Variants in NCOR1 observed in about 807,000 individuals in gnomAD.
The protein encoded by NCOR1 is protein phosphatase 1, regulatory subunit 109.
In NCOR1, 63 loss-of-function variants were observed where a neutral mutation model predicts 288.1. The observed-to-expected ratio is 0.22, with a 90% CI of 0.18 to 0.27. NCOR1 has a LOEUF of 0.27. Ranked by LOEUF, NCOR1 falls within the 10% of genes least tolerant of loss-of-function variation. The pLI is 1.00. For synonymous variants in NCOR1, 1,007 were observed against 1,065.9 expected, an observed-to-expected ratio of 0.94 and a Z score of 1.08; for missense variants, 2,397 against 3,019.2, an observed-to-expected ratio of 0.79 and a Z score of 4.83.
intron 1 of NCOR1, 24 bp downstream of exon 1, chr17:16,215,338 T>C: frequency 2.6e-6 from 1 of 391,406 alleles, no homozygotes; most frequent in South Asian, 1.4e-4. Flanking sequence ...GAGGCCGGGG[T>C]TGCAGGCGCC....
At chr17:16,080,871 G>T in intron 23 of NCOR1, 144 bp from the exon 24 acceptor site, 1 of 814,634 alleles carries the variant, frequency 1.2e-6, no homozygotes. Context: ...AATAGTTTTT[G>T]TAAAGCAAGA....
rs1378012526 is a variant in NCOR1, at chr17:16,034,817, A to G, written c.7083T>C (p.Asp2361=). ...CCCACCCTGGCGTCTGCCTATGGTA[A>G]TCCCCTTCTGAATGTACAGAGGAGA... The part of the protein sequence containing the change: ...SSVSSVHSEG[D]YHRQTPGWAW... Residue 2361 remains aspartate (D), a synonymous_variant, in exon 45 of 46, where the codon GAT becomes GAC. Coordinates refer to ENST00000268712, the MANE Select transcript of NCOR1 (RefSeq NM_006311.4). 6.2e-7 allele frequency: 1 copy of G among 1,614,062 alleles called. No homozygotes were observed. The highest frequency in any genetic ancestry group is 8.5e-7 in the Non-Finnish European group (1 of 1,180,008).
chr17:16,205,608 C>A (rs866318081), intron 1 of NCOR1, among the ~76,000 whole-genome samples: 1 of 140,688 alleles, frequency 7.1e-6, no homozygotes, highest in Non-Finnish European at 1.5e-5. Context: ...GCAACAAGAG[C>A]GAGGCTCTGT....
At chr17:16,184,298 T>C (rs192580861) in intron 3 of NCOR1, among the ~76,000 whole-genome samples, 11 of 152,312 alleles carry the variant, frequency 7.2e-5, no homozygotes, top group East Asian at 3.9e-4. Context: ...AGAAAACATA[T>C]TTGTAAACTA....
At chr17:16,135,969 T>C (rs1383407620) in intron 14 of NCOR1, among the ~76,000 whole-genome samples, 2 of 152,130 alleles carry the variant, frequency 1.3e-5, no homozygotes, top group Non-Finnish European at 2.9e-5. Context: ...TGCATGCAAG[T>C]CCTTATTGTA....
intron 1 of NCOR1, among the ~76,000 whole-genome samples, chr17:16,211,296 A>G (rs909402215): frequency 2.0e-5 from 3 of 151,544 alleles, no homozygotes; most frequent in Admixed American, 2.0e-4. Flanking sequence ...TTGCTCTGTC[A>G]CCCAGTCTGA....
At chr17:16,041,740 A>T (rs182006610) in intron 42 of NCOR1, among the ~76,000 whole-genome samples, 3,008 of 148,936 alleles carry the variant, frequency 0.02, 102 homozygotes, top group African/African-American at 0.07. Context: ...TTAATTTATT[A>T]ATTAATTTAT....
intron 5 of NCOR1, among the ~76,000 whole-genome samples, chr17:16,159,762 C>T (rs1456727698): frequency 6.6e-6 from 1 of 151,868 alleles, no homozygotes; most frequent in Non-Finnish European, 1.5e-5. Flanking sequence ...AACTGTATTA[C>T]CGTGCCTGGG....
rs34511605 is a variant in NCOR1 at position 16,149,292 on chromosome 17, C to CATATATATATATAT, written c.909+145_909+158dup. Among the ~76,000 whole-genome samples the CATATATATATATAT allele has an allele frequency of 5.5e-3, 765 of 137,902 alleles. 6 individuals carry two copies. Among genetic ancestry groups the CATATATATATATAT allele is most frequent in the African/African-American group, 0.019 (713 of 37,130 alleles). The allele number at this position is 137,902 out of a possible 152,430, so 90.5% of individuals were successfully genotyped here. ...AATGTTACTAGAATTAGATTTAAGT[C>CATATATATATATAT]ATATATATATATATATATATATATG... On this transcript the variant is annotated intron_variant, in intron 9 of 45. Transcript: ENST00000268712.
chr17:16,039,482 C>T lies in NCOR1; in HGVS notation c.6906G>A (p.Val2302=), dbSNP rs2057141206. 6.2e-7 allele frequency: 1 copy of T among 1,614,072 alleles called. No homozygotes were observed. Among genetic ancestry groups the T allele is most frequent in the Non-Finnish European group, 8.5e-7 (1 of 1,180,020 alleles). The change falls in exon 44 of 46, where the codon GTG becomes GTA. Residue 2302 remains valine (V), a synonymous_variant. Coordinates refer to ENST00000268712, the MANE Select transcript of NCOR1 (RefSeq NM_006311.4). ...CCTCTCTTCGTGTCTCACCACTGGT[C>T]ACAACTGAGGTGTTGGCAGTACCAG... The part of the protein sequence containing the change: ...VVPGTANTSV[V]TSGETRREEG...
intron 9 of NCOR1, among the ~76,000 whole-genome samples, chr17:16,148,381 C>T (rs535765128): frequency 1.2e-4 from 19 of 152,240 alleles, no homozygotes; most frequent in African/African-American, 3.4e-4. Context: ...TCCATGACCA[C>T]GGTGTGATCC....
chr17:16,214,996 G>A (rs763754022), intron 1 of NCOR1, among the ~76,000 whole-genome samples: 3 of 152,208 alleles, frequency 2.0e-5, no homozygotes, highest in Non-Finnish European at 1.5e-5. Flanking sequence ...GCCCAGGCCC[G>A]CCACCTGCGC....
chr17:16,134,565 A>G (rs1286260406), intron 14 of NCOR1, among the ~76,000 whole-genome samples: 2 of 152,214 alleles, frequency 1.3e-5, no homozygotes, highest in African/African-American at 4.8e-5. Context: ...ACATGGCTGG[A>G]TCTTAACAAG....
At chr17:16,186,005 G>T (rs2086606316) in intron 3 of NCOR1, among the ~76,000 whole-genome samples, 1 of 152,058 alleles carries the variant, frequency 6.6e-6, no homozygotes, top group Non-Finnish European at 1.5e-5. Flanking sequence ...AGCAGAGATG[G>T]TAAGGACACT....
intron 8 of NCOR1, 141 bp downstream of exon 8, chr17:16,151,805 A>G: frequency 1.1e-6 from 1 of 913,464 alleles, no homozygotes; most frequent in African/African-American, 1.7e-5. Context: ...GGAAGATAAC[A>G]TATAATAAAA....
At chr17:16,097,929 G>A (rs142013520) in intron 21 of NCOR1, among the ~76,000 whole-genome samples, 1 of 152,284 alleles carries the variant, frequency 6.6e-6, no homozygotes, top group Admixed American at 6.5e-5. Context: ...GAATTGAACT[G>A]AACTGTAGGA....
intron 40 of NCOR1, among the ~76,000 whole-genome samples, chr17:16,056,740 T>C (rs1292043731): frequency 6.6e-6 from 1 of 152,222 alleles, no homozygotes; most frequent in Non-Finnish European, 1.5e-5. Flanking sequence ...AAACACAGAA[T>C]ATCAGGTAAG....
At position 16,146,563 on chromosome 17, in the gene NCOR1, T is replaced by C; in HGVS notation, c.910-15A>G. The stretch of plus-strand genomic sequence containing the variant: ...ATTTTTTGTTCCTATTAAATATCCG[T>C]AGCAAATTAATAATAATTAAACTAA... On this transcript the variant is annotated splice_polypyrimidine_tract_variant and intron_variant, in intron 9 of 45. Transcript: ENST00000268712. The C allele has an allele frequency of 6.4e-7, 1 of 1,564,272 alleles. No individual in the cohort carries two copies. Among genetic ancestry groups the C allele is most frequent in the Non-Finnish European group, 8.6e-7 (1 of 1,159,368 alleles).
intron 19 of NCOR1, among the ~76,000 whole-genome samples, chr17:16,107,705 A>AG (rs979073434): frequency 6.6e-6 from 1 of 152,162 alleles, no homozygotes; most frequent in African/African-American, 2.4e-5. Flanking sequence ...CAACCTCTCT[A>AG]GAAGTGCCAT....
Sources: allele counts gnomAD v4.1 joint callset (sites outside exome capture counted in the v4.1 genomes callset), GRCh38; gene constraint gnomAD v4.1.1; transcripts MANE v1.5; gene names NCBI Gene and HGNC (gene_info 2026-07-23, HGNC 2026-07-21).